Variants in TNS3 observed in about 807,000 individuals in gnomAD.
TNS3 encodes the protein tensin-3.
Under a neutral mutation model 140.9 loss-of-function variants are expected in TNS3, and 45 were observed. That is an observed-to-expected ratio of 0.32 (90% CI 0.25 to 0.41). The LOEUF is 0.41. TNS3 is among the 10% of genes least tolerant of loss of function. The probability of loss-of-function intolerance (pLI) is 1.00; values close to 1 mark genes in which losing one functional copy is unlikely to be tolerated. For missense variants in TNS3, 1,716 were observed against 1,906.7 expected (o/e 0.90, Z 1.86); for synonymous variants, 815 against 788.4 (o/e 1.03, Z -0.56).
rs1185135685 is a variant in TNS3 at position 47,275,639 on chromosome 7, C to T, written c.*2437G>A. ...GACACACAGCTTGTTCTGTTTAATG[C>T]ACATGTAACACAAAAGGAAGAAAGA... is the stretch of plus-strand genomic sequence containing the variant. On this transcript the variant is annotated 3_prime_UTR_variant, in exon 31 of 31. Coordinates refer to ENST00000311160, the MANE Select transcript of TNS3 (RefSeq NM_022748.12). The T allele has an allele frequency of 3.5e-5, 13 of 369,452 alleles. No homozygotes were observed. Among genetic ancestry groups the T allele is most frequent in the East Asian group, 2.9e-4 (4 of 13,582 alleles). 22.9% of individuals were successfully genotyped at this position (369,452 alleles called of 1,614,324 possible). A position where few individuals can be genotyped will look rare whatever the true frequency, so the allele number is the denominator to read the frequency against.
intron 17 of TNS3, among the ~76,000 whole-genome samples, chr7:47,354,292 CAA>C (rs1396157303): frequency 6.6e-6 from 1 of 152,130 alleles, no homozygotes; most frequent in Non-Finnish European, 1.5e-5. Flanking sequence ...GATAAGGGGA[CAA>C]GAGGGAATTT....
intron 20 of TNS3, among the ~76,000 whole-genome samples, chr7:47,334,707 A>G (rs1205673406): frequency 6.6e-6 from 1 of 150,974 alleles, no homozygotes; most frequent in Non-Finnish European, 1.5e-5. Flanking sequence ...GGGTTCAAAC[A>G]GTATTTAAAT....
chr7:47,412,257 C>T (rs1793815610), intron 12 of TNS3, among the ~76,000 whole-genome samples: 1 of 152,156 alleles, frequency 6.6e-6, no homozygotes. Flanking sequence ...AATGCCTGTC[C>T]ACATACAAAA....
Position 47,568,830 on chromosome 7 carries a change from T to G in TNS3, c.-265+13221A>C, listed in dbSNP as rs192343365. ...AGGGCCAAGGCCAAATGCCAACTGT[T>G]TGACACAATGGCCCTGAAGTGGGCC... On this transcript the variant is annotated intron_variant, in intron 1 of 30. Transcript: ENST00000311160. Among the ~76,000 whole-genome samples, 50 of 152,344 alleles carry G rather than the reference T, an allele frequency of 3.3e-4. No individual in the cohort carries two copies. In the East Asian group the frequency reaches 6.2e-3, roughly 19 times the overall value.
chr7:47,467,789 G>A (rs544233643), intron 4 of TNS3, among the ~76,000 whole-genome samples: 1 of 152,260 alleles, frequency 6.6e-6, no homozygotes, highest in African/African-American at 2.4e-5. Flanking sequence ...TAGAAAACAA[G>A]GCCATGTATA....
rs1177213325 is a variant in TNS3, at chr7:47,314,889, G to A, written c.2651-9886C>T. ...CAGCCTGTCTCTCTGCTTCAGAGGT[G>A]GAGACATAAGGGCACCACAGTGAGC... On this transcript the variant is annotated intron_variant, in intron 20 of 30. Coordinates refer to ENST00000311160, the MANE Select transcript of TNS3 (RefSeq NM_022748.12). 2.6e-5 allele frequency among the ~76,000 whole-genome samples: 4 copies of A among 152,216 alleles called. No homozygotes were observed. In the East Asian group the frequency reaches 7.7e-4, roughly 29 times the overall value.
At chr7:47,332,598 C>CA (rs1788404817) in intron 20 of TNS3, among the ~76,000 whole-genome samples, 1 of 152,016 alleles carries the variant, frequency 6.6e-6, no homozygotes. Context: ...TTCTCATAGA[C>CA]AATGGGGCTC....
intron 20 of TNS3, among the ~76,000 whole-genome samples, chr7:47,315,218 A>G (rs1787327077): frequency 6.6e-6 from 1 of 152,196 alleles, no homozygotes; most frequent in Admixed American, 6.5e-5. Flanking sequence ...TTTGCTGCTC[A>G]GACCCAGAGC....
At chr7:47,318,373 C>G (rs747272081) in intron 20 of TNS3, among the ~76,000 whole-genome samples, 10 of 152,206 alleles carry the variant, frequency 6.6e-5, no homozygotes, top group Non-Finnish European at 1.2e-4. Flanking sequence ...ACTTTGCGAA[C>G]AGTTACATTT....
intron 1 of TNS3, among the ~76,000 whole-genome samples, chr7:47,567,173 T>C (rs752608547): frequency 3.6e-4 from 55 of 152,290 alleles, no homozygotes; most frequent in Admixed American, 3.9e-4. Context: ...AAATTCATAC[T>C]GTGCAACAAT....
At chr7:47,336,016 C>T (rs894251253) in intron 20 of TNS3, among the ~76,000 whole-genome samples, 4 of 152,110 alleles carry the variant, frequency 2.6e-5, no homozygotes, top group Admixed American at 2.0e-4. Flanking sequence ...CAGCAGTTTC[C>T]AACAGCTGAG....
At chr7:47,525,146 G>A (rs1057131214) in intron 2 of TNS3, among the ~76,000 whole-genome samples, 5 of 152,202 alleles carry the variant, frequency 3.3e-5, no homozygotes, top group East Asian at 1.9e-4. Context: ...TGGCAGCCCC[G>A]CTGCTTGTCC....
At chr7:47,510,746 A>G (rs1410825430) in intron 2 of TNS3, among the ~76,000 whole-genome samples, 1 of 151,242 alleles carries the variant, frequency 6.6e-6, no homozygotes, top group Non-Finnish European at 1.5e-5. Context: ...ATGATGATGC[A>G]TGTCTGTAAT....
At chr7:47,322,347 C>A (rs1787789642) in intron 20 of TNS3, among the ~76,000 whole-genome samples, 1 of 151,566 alleles carries the variant, frequency 6.6e-6, no homozygotes. Context: ...CATGGTGAAA[C>A]CCCGTCTCTA....
Position 47,564,653 on chromosome 7 carries a change from A to AC in TNS3, c.-265+17397_-265+17398insG, listed in dbSNP as rs1392091549. Among the ~76,000 whole-genome samples the AC allele has an allele frequency of 9.0e-3, 1,230 of 136,298 alleles. 28 individuals are homozygous for AC. The highest frequency in any genetic ancestry group is 0.031 in the African/African-American group (1,167 of 37,236). 89.4% of individuals were successfully genotyped at this position (136,298 alleles called of 152,430 possible). On this transcript the variant is annotated intron_variant, in intron 1 of 30. Coordinates refer to ENST00000311160, the MANE Select transcript of TNS3 (RefSeq NM_022748.12). Reference sequence around the variant, plus strand: ...TCCGTCTCAAAAAAAAAAAAAACAAAAAAAAACAAAAAAAGACTGCAACCT... The same window carrying AC: ...TCCGTCTCAAAAAAAAAAAAAACAAACAAAAAACAAAAAAAGACTGCAACCT...
At chr7:47,506,876 A>G in intron 3 of TNS3, 31 bp downstream of exon 3, 1 of 1,287,262 alleles carries the variant, frequency 7.8e-7, no homozygotes, top group Non-Finnish European at 1.0e-6. Flanking sequence ...CAGCTATAAA[A>G]AGTCCCATGG....
intron 17 of TNS3, among the ~76,000 whole-genome samples, chr7:47,357,047 C>T (rs1164758645): frequency 1.3e-5 from 2 of 152,130 alleles, no homozygotes; most frequent in Non-Finnish European, 2.9e-5. Context: ...GTGATCACAC[C>T]AACTACACTG....
intron 3 of TNS3, among the ~76,000 whole-genome samples, chr7:47,506,272 T>C (rs1019874905): frequency 2.0e-5 from 3 of 152,078 alleles, no homozygotes; most frequent in African/African-American, 7.2e-5. Context: ...TAGAAAACCA[T>C]GTGCTTCTTC....
chr7:47,445,946 C>T (rs556023094), intron 4 of TNS3, among the ~76,000 whole-genome samples: 2 of 152,310 alleles, frequency 1.3e-5, no homozygotes, highest in Admixed American at 1.3e-4. Flanking sequence ...TAATGCATTT[C>T]ATGACTGAAG....
Sources: gnomAD v4.1 joint callset for allele counts (sites outside exome capture counted in the v4.1 genomes callset) on GRCh38, gnomAD v4.1.1 for gene constraint, MANE v1.5 for transcripts, NCBI Gene and HGNC (gene_info 2026-07-23, HGNC 2026-07-21) for gene names.